The following CHCHD3 variants were observed in gnomAD, a reference collection of about 807,000 sequenced individuals.
CHCHD3 encodes MICOS complex subunit MIC19.
CHCHD3 carries 20 observed loss-of-function variants against 38.2 expected under a neutral mutation model. The observed-to-expected ratio is 0.52, with a 90% CI of 0.37 to 0.76. The LOEUF (loss-of-function observed/expected upper bound fraction) is 0.76. Ranked by LOEUF, CHCHD3 falls within the 30% of genes least tolerant of loss-of-function variation. The pLI is 0.00. For missense variants in CHCHD3, 245 were observed against 279.2 expected (o/e 0.88, Z 0.87); for synonymous variants, 82 against 100.0 (o/e 0.82, Z 1.07).
At chr7:132,968,052 C>G (rs1002633316) in intron 4 of CHCHD3, among the ~76,000 whole-genome samples, 2 of 152,172 alleles carry the variant, frequency 1.3e-5, no homozygotes, top group African/African-American at 4.8e-5. Context: ...CAGTAGCAAA[C>G]ATACCTAAAG....
intron 4 of CHCHD3, among the ~76,000 whole-genome samples, chr7:132,907,087 G>T (rs1188921887): frequency 6.6e-6 from 1 of 152,110 alleles, no homozygotes; most frequent in East Asian, 1.9e-4. Context: ...CACACCTGAA[G>T]AACAAAATAA....
chr7:132,820,624 T>TG (rs1483058729), intron 6 of CHCHD3, among the ~76,000 whole-genome samples: 3 of 150,414 alleles, frequency 2.0e-5, no homozygotes, highest in Admixed American at 6.6e-5. Context: ...TTTTTTTTTT[T>TG]TTTTTTTTTT....
chr7:133,003,104 A>C (rs535885561), intron 3 of CHCHD3, among the ~76,000 whole-genome samples: 107 of 152,350 alleles, frequency 7.0e-4, no homozygotes, highest in African/African-American at 2.5e-3. Flanking sequence ...ATAAATCCTG[A>C]AAGCATTAAG....
At chr7:132,934,269 C>A (rs980110626) in intron 4 of CHCHD3, among the ~76,000 whole-genome samples, 9 of 152,188 alleles carry the variant, frequency 5.9e-5, no homozygotes, top group African/African-American at 2.2e-4. Flanking sequence ...GCTCTACACA[C>A]CGCATTTGGT....
At chr7:132,948,767 C>T (rs921736701) in intron 4 of CHCHD3, among the ~76,000 whole-genome samples, 6 of 152,096 alleles carry the variant, frequency 3.9e-5, no homozygotes, top group Non-Finnish European at 8.8e-5. Flanking sequence ...AAGACATTTT[C>T]TGTAATTAAA....
At chr7:132,878,387 T>C (rs1184383744) in intron 5 of CHCHD3, among the ~76,000 whole-genome samples, 1 of 152,158 alleles carries the variant, frequency 6.6e-6, no homozygotes, top group East Asian at 1.9e-4. Flanking sequence ...CAATTAATCA[T>C]ACAGATGAGC....
At chr7:132,937,697 G>A (rs948197230) in intron 4 of CHCHD3, among the ~76,000 whole-genome samples, 1 of 152,150 alleles carries the variant, frequency 6.6e-6, no homozygotes, top group Non-Finnish European at 1.5e-5. Flanking sequence ...AGCTACTAAT[G>A]GAAGCTTTCA....
chr7:132,860,316 A>AGAGAGAG (rs1554377218), intron 5 of CHCHD3, among the ~76,000 whole-genome samples: 100 of 134,704 alleles, frequency 7.4e-4, no homozygotes, highest in Middle Eastern at 4.0e-3. Flanking sequence ...GAGAGAGAGA[A>AGAGAGAG]AGAGAGAGAG....
chr7:132,985,014 T>C (rs1584620983), intron 3 of CHCHD3, among the ~76,000 whole-genome samples: 2 of 79,444 alleles, frequency 2.5e-5, no homozygotes, highest in Admixed American at 1.5e-4. Flanking sequence ...CCGCCCCGTC[T>C]GGGAGGGAGG....
At chr7:132,868,034 A>G (rs1343961304) in intron 5 of CHCHD3, among the ~76,000 whole-genome samples, 1 of 152,214 alleles carries the variant, frequency 6.6e-6, no homozygotes, top group Non-Finnish European at 1.5e-5. Context: ...TTCACCCACA[A>G]TTGACAAGCT....
At chr7:132,889,606 T>C (rs1809310402) in intron 4 of CHCHD3, among the ~76,000 whole-genome samples, 1 of 152,152 alleles carries the variant, frequency 6.6e-6, no homozygotes. Context: ...CACCAAGTTA[T>C]AGGCCAGCAG....
intron 4 of CHCHD3, among the ~76,000 whole-genome samples, chr7:132,897,200 C>T (rs1809522675): frequency 6.6e-6 from 1 of 152,076 alleles, no homozygotes; most frequent in African/African-American, 2.4e-5. Context: ...CTTGTTTTAC[C>T]ATGGAGATTA....
At chr7:132,906,740 G>T (rs1296575758) in intron 4 of CHCHD3, among the ~76,000 whole-genome samples, 1 of 152,184 alleles carries the variant, frequency 6.6e-6, no homozygotes, top group East Asian at 1.9e-4. Context: ...TGCCTAGCAG[G>T]TCTTTGCAGA....
chr7:132,947,293 A>C (rs1013849940), intron 4 of CHCHD3, among the ~76,000 whole-genome samples: 8 of 151,908 alleles, frequency 5.3e-5, no homozygotes, highest in Non-Finnish European at 1.0e-4. Flanking sequence ...CTTTATCTCA[A>C]TATCTAAGCA....
At chr7:132,867,162 G>A (rs987300504) in intron 5 of CHCHD3, among the ~76,000 whole-genome samples, 2 of 152,080 alleles carry the variant, frequency 1.3e-5, no homozygotes, top group African/African-American at 2.4e-5. Flanking sequence ...TGTCTGCTTT[G>A]CTCTCTGCTA....
At position 132,926,340 on chromosome 7, in the gene CHCHD3, G is replaced by C. The variant is rs1810376422; in HGVS notation, c.370-40595C>G. On this transcript the variant is annotated intron_variant, in intron 4 of 7. Transcript: ENST00000262570. ...TGGCAGTCTCAATCACTGAGAAAGA[G>C]AACACCAGTTTCTGAAGAAGCTGAC... Among the ~76,000 whole-genome samples the C allele has an allele frequency of 2.0e-5, 3 of 152,154 alleles. No homozygotes were observed. In the South Asian group the frequency reaches 6.2e-4, roughly 32 times the overall value.
At chr7:132,990,054 T>C (rs1283609831) in intron 3 of CHCHD3, among the ~76,000 whole-genome samples, 1 of 152,032 alleles carries the variant, frequency 6.6e-6, no homozygotes, top group Non-Finnish European at 1.5e-5. Context: ...GTGCCTGTAA[T>C]CCCAGCTACT....
chr7:132,886,218 TG>T (rs1809205411), intron 4 of CHCHD3, among the ~76,000 whole-genome samples: 1 of 152,074 alleles, frequency 6.6e-6, no homozygotes, highest in Non-Finnish European at 1.5e-5. Flanking sequence ...TTTCCCTTTA[TG>T]TAAAGAATTA....
At chr7:132,992,598 A>G (rs997376954) in intron 3 of CHCHD3, among the ~76,000 whole-genome samples, 1 of 152,184 alleles carries the variant, frequency 6.6e-6, no homozygotes, top group African/African-American at 2.4e-5. Flanking sequence ...CATAAAATAT[A>G]CACTGGATTT....
Sources: gnomAD v4.1 joint callset for allele counts (sites outside exome capture counted in the v4.1 genomes callset) on GRCh38, gnomAD v4.1.1 for gene constraint, MANE v1.5 for transcripts, NCBI Gene and HGNC (gene_info 2026-07-23, HGNC 2026-07-21) for gene names.